Variants in VPS8 observed in about 807,000 individuals in gnomAD.
VPS8 encodes VPS8 subunit of CORVET complex.
A neutral mutation model predicts 216.4 loss-of-function variants in VPS8; 129 were observed. The ratio of observed to expected loss-of-function variants is 0.60; its 90% CI spans 0.52 to 0.69. The LOEUF (loss-of-function observed/expected upper bound fraction) is 0.69, where lower values mean the gene tolerates loss of function less well. VPS8 is among the 30% of genes least tolerant of loss of function. VPS8 has a pLI of 0.00. For synonymous variants in VPS8, 571 were observed against 565.4 expected (o/e 1.01, Z -0.14); for missense variants, 1,531 against 1,683.5 (o/e 0.91, Z 1.59).
In VPS8 at chr3:184,902,431, G is replaced by T. The variant is rs560263211; in HGVS notation, c.2146+1459G>T. ...GCAGAGGTTGCAGTGAGCCAAGATC[G>T]TGCCACTTGCCACTGCTCTCCAGCT... On this transcript the variant is annotated intron_variant, in intron 25 of 47. Coordinates refer to ENST00000625842, the MANE Select transcript of VPS8 (RefSeq NM_001009921.3). Among the ~76,000 whole-genome samples the T allele has an allele frequency of 1.2e-3, 183 of 151,756 alleles. 1 individual carries two copies. Among genetic ancestry groups the T allele is most frequent in the African/African-American group, 4.0e-3 (166 of 41,374 alleles).
intron 1 of VPS8, among the ~76,000 whole-genome samples, chr3:184,820,907 G>A (rs982926509): frequency 2.6e-5 from 4 of 152,106 alleles, no homozygotes; most frequent in Non-Finnish European, 1.5e-5. Flanking sequence ...CTTTGGTGGG[G>A]GCTGTACTAG....
At position 184,915,424 on chromosome 3, in the gene VPS8, C is replaced by T. The variant is rs774642024; in HGVS notation, c.2332C>T (p.Arg778Trp). Residue 778 changes from arginine (R) to tryptophan (W), a missense_variant, in exon 28 of 48, where the codon CGG becomes TGG. Around this residue, in one of 3 missense-constraint regions of VPS8, gnomAD observed 1,318 missense variants for 1,468.4 expected, o/e 0.90. Coordinates refer to ENST00000625842, the MANE Select transcript of VPS8 (RefSeq NM_001009921.3). Reference sequence around the variant, plus strand: ...TGAGGAAGAAATCTATCCTTACATTCGGACTTTGCTACATTTTGACACAAG... The same window carrying T: ...TGAGGAAGAAATCTATCCTTACATTTGGACTTTGCTACATTTTGACACAAG... Reference protein sequence around the residue: ...SPEEEIYPYIRTLLHFDTREF... With the variant: ...SPEEEIYPYIWTLLHFDTREF... The T allele has an allele frequency of 3.7e-6, 6 of 1,613,846 alleles. No individual in the cohort carries two copies. Among genetic ancestry groups the T allele is most frequent in the South Asian group, 1.1e-5 (1 of 91,064 alleles).
chr3:184,869,717 C>T (rs1166346295), intron 20 of VPS8, among the ~76,000 whole-genome samples, 189 bp downstream of exon 20: 3 of 151,838 alleles, frequency 2.0e-5, no homozygotes, highest in South Asian at 2.1e-4. Context: ...AGCAAGACCC[C>T]GTCTCTAAAA....
chr3:184,969,488 GGCGTGATCTCA>G (rs1405115524), intron 39 of VPS8, among the ~76,000 whole-genome samples: 3 of 140,330 alleles, frequency 2.1e-5, no homozygotes, highest in Non-Finnish European at 4.5e-5. Context: ...GGAATGCAGT[GGCGTGATCTCA>G]GCTCATTACA....
At chr3:184,887,606 A>T (rs1471033318) in intron 22 of VPS8, among the ~76,000 whole-genome samples, 1 of 152,224 alleles carries the variant, frequency 6.6e-6, no homozygotes, top group African/African-American at 2.4e-5. Context: ...TTTTGGTGGC[A>T]AAGGTGGGAT....
intron 37 of VPS8, among the ~76,000 whole-genome samples, chr3:184,960,912 T>TA (rs931163812): frequency 1.4e-4 from 22 of 152,216 alleles, no homozygotes; most frequent in African/African-American, 5.1e-4. Context: ...TGAACCCACA[T>TA]AGTCTGACTC....
chr3:184,843,418 T>A (rs1577851239), intron 8 of VPS8, among the ~76,000 whole-genome samples, 173 bp downstream of exon 8: 1 of 152,154 alleles, frequency 6.6e-6, no homozygotes, highest in East Asian at 1.9e-4. Flanking sequence ...AATATATATA[T>A]ACCTTCAATG....
chr3:184,855,865 T>G, intron 14 of VPS8, 47 bp downstream of exon 14: 1 of 1,446,066 alleles, frequency 6.9e-7, no homozygotes, highest in Non-Finnish European at 9.5e-7. Context: ...ATTTTTTTTA[T>G]TCATCAGCAA....
intron 7 of VPS8, 68 bp downstream of exon 7, chr3:184,839,820 A>G (rs1721787358): frequency 6.5e-7 from 1 of 1,543,384 alleles, no homozygotes; most frequent in South Asian, 1.2e-5. Flanking sequence ...ATGTCCTTTA[A>G]TCACAGTTTA....
intron 1 of VPS8, among the ~76,000 whole-genome samples, chr3:184,820,001 G>C (rs1717205621): frequency 6.6e-6 from 1 of 152,022 alleles, no homozygotes; most frequent in East Asian, 1.9e-4. Flanking sequence ...GTAGGCTGAG[G>C]AGGAGGAGGA....
chr3:184,814,926 C>T (rs1341513461), intron 1 of VPS8, among the ~76,000 whole-genome samples: 1 of 152,146 alleles, frequency 6.6e-6, no homozygotes, highest in Non-Finnish European at 1.5e-5. Context: ...AATACAAACA[C>T]ATTGTACAAT....
intron 40 of VPS8, among the ~76,000 whole-genome samples, chr3:184,982,020 A>G (rs1033625263): frequency 1.3e-5 from 2 of 151,886 alleles, no homozygotes; most frequent in Non-Finnish European, 2.9e-5. Context: ...TTTAACTTCT[A>G]TTTCCTGGTC....
chr3:184,893,410 C>G (rs1384874315), intron 22 of VPS8: 2 of 1,022,016 alleles, frequency 2.0e-6, no homozygotes, highest in Non-Finnish European at 2.4e-6. Flanking sequence ...ATAATCTCAA[C>G]AGGTAAATAA....
chr3:184,969,899 TAC>T (rs1748114585), intron 39 of VPS8, among the ~76,000 whole-genome samples: 1 of 148,136 alleles, frequency 6.8e-6, no homozygotes, highest in Non-Finnish European at 1.5e-5. Context: ...TCTACTTTCT[TAC>T]TTTTTTTTTT....
chr3:184,905,501 G>T (rs1253607822), intron 25 of VPS8, among the ~76,000 whole-genome samples: 2 of 151,648 alleles, frequency 1.3e-5, no homozygotes, highest in East Asian at 1.9e-4. Flanking sequence ...CTGTCTAAAG[G>T]TTTGTCAGTT....
chr3:184,860,497 A>ACG (rs1449309597), intron 15 of VPS8, among the ~76,000 whole-genome samples: 1 of 151,724 alleles, frequency 6.6e-6, no homozygotes, highest in Non-Finnish European at 1.5e-5. Flanking sequence ...ACACACACAC[A>ACG]CACAGAAAGA....
Position 184,915,482 on chromosome 3 carries a change from AC to A in VPS8, c.2382+9del. ...CTAAATGTATTGGCACTGGTAAGAG[AC>A]AGTATTATTTTAAGGTGTTTTCAAA... On this transcript the variant is annotated intron_variant, in intron 28 of 47. Coordinates refer to ENST00000625842, the MANE Select transcript of VPS8 (RefSeq NM_001009921.3). 6.2e-7 allele frequency: 1 copy of A among 1,612,328 alleles called. No individual in the cohort carries two copies. Among genetic ancestry groups the A allele is most frequent in the South Asian group, 1.1e-5 (1 of 90,926 alleles).
intron 46 of VPS8, among the ~76,000 whole-genome samples, chr3:185,032,750 C>T (rs888494269): frequency 6.6e-6 from 1 of 152,080 alleles, no homozygotes; most frequent in African/African-American, 2.4e-5. Context: ...ACTGCAAGCT[C>T]CGCCTCCCGG....
chr3:185,016,113 C>T (rs545235410), intron 45 of VPS8, among the ~76,000 whole-genome samples: 8 of 151,816 alleles, frequency 5.3e-5, no homozygotes, highest in Non-Finnish European at 7.3e-5. Context: ...TTACTCATGG[C>T]GTAGGTAGGA....
Sources: allele counts gnomAD v4.1 joint callset (sites outside exome capture counted in the v4.1 genomes callset), GRCh38; gene constraint gnomAD v4.1.1; regional missense constraint gnomAD v4.1.1; transcripts MANE v1.5; gene names NCBI Gene and HGNC (gene_info 2026-07-23, HGNC 2026-07-21).